Variants in FRMD4A observed in about 807,000 individuals in gnomAD.
FRMD4A encodes FERM domain containing 4A.
In FRMD4A, 29 loss-of-function variants were observed where a neutral mutation model predicts 129.1. The observed-to-expected ratio is 0.22, with a 90% confidence interval of 0.17 to 0.31. The LOEUF (loss-of-function observed/expected upper bound fraction) is 0.31. Ranked by LOEUF, FRMD4A falls within the 10% of genes least tolerant of loss-of-function variation. FRMD4A has a pLI of 1.00. For missense variants in FRMD4A, 1,272 were observed against 1,375.8 expected, an observed-to-expected ratio of 0.92 and a Z score of 1.19; for synonymous variants, 634 against 571.6, an observed-to-expected ratio of 1.11 and a Z score of -1.56.
intron 2 of FRMD4A, among the ~76,000 whole-genome samples, chr10:14,273,215 C>G (rs1589252263): frequency 6.6e-6 from 1 of 152,084 alleles, no homozygotes; most frequent in East Asian, 1.9e-4. Flanking sequence ...CAAGATTGCA[C>G]CACTGCACTC....
intron 4 of FRMD4A, among the ~76,000 whole-genome samples, chr10:13,807,765 T>A (rs1029466444): frequency 6.6e-6 from 1 of 152,012 alleles, no homozygotes; most frequent in Non-Finnish European, 1.5e-5. Flanking sequence ...TGACAATATA[T>A]GACCTAGAGT....
intron 6 of FRMD4A, among the ~76,000 whole-genome samples, chr10:13,781,563 A>C (rs1333665655): frequency 2.0e-5 from 3 of 151,782 alleles, no homozygotes; most frequent in Admixed American, 2.0e-4. Flanking sequence ...TTTTTAATAG[A>C]GATGGGGTTC....
intron 12 of FRMD4A, chr10:13,712,074 T>C (rs1564667712): frequency 6.6e-6 from 1 of 152,262 alleles, no homozygotes; most frequent in African/African-American, 2.4e-5. Flanking sequence ...GGCTTTCCTT[T>C]TATACGGTAA....
Position 13,666,293 on chromosome 10 carries a change from A to G in FRMD4A, c.1407T>C (p.Phe469=). 6.2e-7 allele frequency: 1 copy of G among 1,614,044 alleles called. No individual in the cohort carries two copies. The highest frequency in any genetic ancestry group is 8.5e-7 in the Non-Finnish European group (1 of 1,179,908). Residue 469 remains phenylalanine, a synonymous_variant, in exon 18 of 25, where the codon TTT becomes TTC. Transcript: ENST00000357447. ...CCTCCGTAATCTGGGACTGAATGGC[A>G]AACTCTCGTTCCAGGCGTTCCAGCT... The part of the protein sequence containing the change: ...EAELERLERE[F]AIQSQITEAA...
intron 22 of FRMD4A, chr10:13,655,827 C>CT (rs1291020556): frequency 6.6e-5 from 10 of 152,162 alleles, no homozygotes; most frequent in African/African-American, 2.4e-4. Context: ...GTGTCCCTCT[C>CT]TGAGTGGTAA....
intron 2 of FRMD4A, among the ~76,000 whole-genome samples, chr10:13,997,619 CT>C (rs1555008439): frequency 1.6e-5 from 2 of 127,556 alleles, no homozygotes; most frequent in Non-Finnish European, 3.4e-5. Flanking sequence ...CTTTTCTTTT[CT>C]TTTCTTTTTT....
intron 6 of FRMD4A, among the ~76,000 whole-genome samples, chr10:13,763,578 A>G (rs1044177686): frequency 3.9e-5 from 6 of 152,170 alleles, no homozygotes; most frequent in Admixed American, 3.9e-4. Context: ...TCTGCCTATT[A>G]GTTCTTCCCC....
intron 2 of FRMD4A, among the ~76,000 whole-genome samples, chr10:14,185,029 T>C (rs186485946): frequency 2.6e-5 from 4 of 152,282 alleles, no homozygotes; most frequent in Non-Finnish European, 5.9e-5. Flanking sequence ...AAGGAATGCT[T>C]TGAATCTAGG....
At chr10:14,222,645 T>C (rs1843299500) in intron 2 of FRMD4A, among the ~76,000 whole-genome samples, 1 of 152,178 alleles carries the variant, frequency 6.6e-6, no homozygotes, top group African/African-American at 2.4e-5. Flanking sequence ...CCACTCAAAT[T>C]GTGTTTCTCT....
chr10:14,257,288 G>A (rs1244141059), intron 2 of FRMD4A, among the ~76,000 whole-genome samples: 1 of 152,122 alleles, frequency 6.6e-6, no homozygotes, highest in African/African-American at 2.4e-5. Context: ...CCGAGATCGT[G>A]CCACCACACT....
At chr10:14,219,514 G>A (rs572123598) in intron 2 of FRMD4A, among the ~76,000 whole-genome samples, 2 of 152,284 alleles carry the variant, frequency 1.3e-5, no homozygotes, top group Non-Finnish European at 2.9e-5. Flanking sequence ...GAGATGGTCA[G>A]GCAGCTCTCT....
intron 8 of FRMD4A, among the ~76,000 whole-genome samples, chr10:13,756,382 G>C (rs957129738): frequency 2.0e-5 from 3 of 152,276 alleles, no homozygotes; most frequent in South Asian, 4.1e-4. Context: ...TTGAGACAGG[G>C]TCTCGCTCTA....
chr10:13,670,341 G>A, intron 17 of FRMD4A, 65 bp downstream of exon 17: 1 of 1,543,744 alleles, frequency 6.5e-7, no homozygotes, highest in Admixed American at 1.7e-5. Context: ...AAACCTGGAA[G>A]GCCTGACCAA....
chr10:14,329,393 G>C (rs933496229), intron 2 of FRMD4A, among the ~76,000 whole-genome samples: 3 of 152,200 alleles, frequency 2.0e-5, no homozygotes, highest in Non-Finnish European at 4.4e-5. Flanking sequence ...CCATGTCCTT[G>C]TGTGCTTTAA....
chr10:13,654,460 G>A lies in FRMD4A; in HGVS notation c.3006C>T (p.Ala1002=), dbSNP rs780203300. The A allele has an allele frequency of 6.2e-7, 1 of 1,613,798 alleles. No individual in the cohort carries two copies. Among genetic ancestry groups the A allele is most frequent in the South Asian group, 1.1e-5 (1 of 91,060 alleles). Residue 1002 remains alanine (A), a synonymous_variant, in exon 23 of 25, where the codon GCC becomes GCT. Transcript: ENST00000357447. ...RSSTPSSEIG[A]TPPSSPHHIL... ...TGTGGTGGGGGCTGCTTGGGGGGGT[G>A]GCTCCAATTTCACTTGACGGTGTCG... is the stretch of plus-strand genomic sequence containing the variant.
At position 13,673,584 on chromosome 10, in the gene FRMD4A, G is replaced by GCA. The variant is rs575885507; in HGVS notation, c.1251+1326_1251+1327insTG. On this transcript the variant is annotated intron_variant, in intron 16 of 24. Coordinates refer to ENST00000357447, the MANE Select transcript of FRMD4A (RefSeq NM_018027.5). The stretch of plus-strand genomic sequence containing the variant: ...AATGCACACATGTGCATGCGTGCGC[G>GCA]CGCGCACACACACACACACACAGAG... 5.1e-3 allele frequency among the ~76,000 whole-genome samples: 765 copies of GCA among 150,098 alleles called. 4 individuals carry two copies. Among genetic ancestry groups the GCA allele is most frequent in the African/African-American group, 0.018 (730 of 40,118 alleles).
At chr10:14,098,557 G>A (rs1168902284) in intron 2 of FRMD4A, among the ~76,000 whole-genome samples, 2 of 152,020 alleles carry the variant, frequency 1.3e-5, no homozygotes, top group East Asian at 1.9e-4. Flanking sequence ...GTGCCTGCCA[G>A]CATGCCCGGC....
intron 2 of FRMD4A, among the ~76,000 whole-genome samples, chr10:14,095,608 T>C (rs1418531631): frequency 6.6e-6 from 1 of 152,228 alleles, no homozygotes; most frequent in Non-Finnish European, 1.5e-5. Flanking sequence ...TTGCAGCCTG[T>C]GGGCCAGTGT....
At chr10:13,804,050 T>C (rs1395927081) in intron 4 of FRMD4A, among the ~76,000 whole-genome samples, 1 of 152,228 alleles carries the variant, frequency 6.6e-6, no homozygotes, top group African/African-American at 2.4e-5. Context: ...GCTCAAGCAC[T>C]TCTCTGGTCA....
Sources: gnomAD v4.1 joint callset for allele counts (sites outside exome capture counted in the v4.1 genomes callset) on GRCh38, gnomAD v4.1.1 for gene constraint, MANE v1.5 for transcripts, NCBI Gene and HGNC (gene_info 2026-07-23, HGNC 2026-07-21) for gene names.